Variants in PKIA observed in about 807,000 individuals in gnomAD.
The protein encoded by PKIA is cAMP-dependent protein kinase inhibitor alpha, also known as PKI-alpha.
A neutral mutation model predicts 7.6 loss-of-function variants in PKIA; 4 were observed. That is an observed-to-expected ratio of 0.52 (90% CI 0.26 to 1.20). PKIA has a LOEUF of 1.20. PKIA is among the 50% of genes most tolerant of loss of function. PKIA has a pLI of 0.13. For synonymous variants in PKIA, 21 were observed against 30.7 expected, an observed-to-expected ratio of 0.68 and a Z score of 1.04; for missense variants, 73 against 86.2, an observed-to-expected ratio of 0.85 and a Z score of 0.61.
chr8:78,561,393 C>T (rs1447439268), intron 1 of PKIA, among the ~76,000 whole-genome samples: 1 of 151,676 alleles, frequency 6.6e-6, no homozygotes, highest in Non-Finnish European at 1.5e-5. Flanking sequence ...GACAGAAATG[C>T]TCCTTCTTCC....
At chr8:78,596,093 T>C (rs1159622929) in intron 2 of PKIA, among the ~76,000 whole-genome samples, 3 of 152,164 alleles carry the variant, frequency 2.0e-5, no homozygotes, top group Non-Finnish European at 4.4e-5. Flanking sequence ...CTCGTAGTTT[T>C]GATTTGCATT....
intron 1 of PKIA, among the ~76,000 whole-genome samples, chr8:78,545,774 A>T (rs944291623): frequency 5.9e-5 from 9 of 152,126 alleles, no homozygotes; most frequent in Non-Finnish European, 1.0e-4. Flanking sequence ...CTATGATACT[A>T]TATATAACCT....
Position 78,582,173 on chromosome 8 carries a change from G to GTTT in PKIA, c.-28+9247_-28+9249dup, listed in dbSNP as rs112095411. On this transcript the variant is annotated intron_variant, in intron 2 of 3. Coordinates refer to ENST00000396418, the MANE Select transcript of PKIA (RefSeq NM_006823.4). ...CCATGTAATCCCAGCAATATTTCGT[G>GTTT]TTTTTTTTTTTTTTTGAGGCTTTGG... is the stretch of plus-strand genomic sequence containing the variant. Among the ~76,000 whole-genome samples the GTTT allele has an allele frequency of 8.7e-3, 1,128 of 129,688 alleles. 13 individuals are homozygous for GTTT. The highest frequency in any genetic ancestry group is 0.03 in the African/African-American group (1,066 of 35,456). 85.1% of individuals were successfully genotyped at this position (129,688 alleles called of 152,430 possible).
At chr8:78,540,658 G>C (rs1806660538) in intron 1 of PKIA, among the ~76,000 whole-genome samples, 2 of 151,960 alleles carry the variant, frequency 1.3e-5, no homozygotes, top group South Asian at 4.1e-4. Context: ...CAGAGGGGGT[G>C]GGGCAGGGAC....
chr8:78,577,930 A>G (rs1199698282), intron 2 of PKIA, among the ~76,000 whole-genome samples: 3 of 151,980 alleles, frequency 2.0e-5, no homozygotes, highest in Non-Finnish European at 4.4e-5. Flanking sequence ...GTGGAAATGT[A>G]TCTCTTACTT....
chr8:78,566,542 C>G (rs1807418110), intron 1 of PKIA, among the ~76,000 whole-genome samples: 1 of 152,008 alleles, frequency 6.6e-6, no homozygotes. Context: ...TCATTGGCAA[C>G]CACGAGTGCC....
chr8:78,592,270 A>G (rs1048664337), intron 2 of PKIA, among the ~76,000 whole-genome samples: 1 of 152,112 alleles, frequency 6.6e-6, no homozygotes, highest in East Asian at 1.9e-4. Context: ...TCCTTCATTC[A>G]CATATTTGTT....
chr8:78,549,403 T>C (rs1438733255), intron 1 of PKIA, among the ~76,000 whole-genome samples: 2 of 152,116 alleles, frequency 1.3e-5, no homozygotes, highest in African/African-American at 4.8e-5. Flanking sequence ...GAACGTTTTT[T>C]TAACTTAGAA....
At chr8:78,581,902 T>C (rs1042675662) in intron 2 of PKIA, among the ~76,000 whole-genome samples, 1 of 152,118 alleles carries the variant, frequency 6.6e-6, no homozygotes, top group Non-Finnish European at 1.5e-5. Context: ...AGGAAGCGTT[T>C]GGGGTTGACA....
chr8:78,554,239 A>G (rs1807069817), intron 1 of PKIA, among the ~76,000 whole-genome samples: 1 of 152,044 alleles, frequency 6.6e-6, no homozygotes, highest in Non-Finnish European at 1.5e-5. Context: ...TAATGCCACC[A>G]GTTGACGCCA....
chr8:78,549,883 G>T (rs1048771450), intron 1 of PKIA, among the ~76,000 whole-genome samples: 1 of 151,992 alleles, frequency 6.6e-6, no homozygotes, highest in African/African-American at 2.4e-5. Flanking sequence ...GAACTCTGAG[G>T]TTTCATTTAT....
rs963437196 is a variant in PKIA, at chr8:78,603,497, A to G, written c.*1676A>G. 1 of 151,836 alleles carries G rather than the reference A, an allele frequency of 6.6e-6. No homozygotes were observed. Among genetic ancestry groups the G allele is most frequent in the Non-Finnish European group, 1.5e-5 (1 of 67,952 alleles). 9.4% of individuals were successfully genotyped at this position (151,836 alleles called of 1,614,324 possible). Reference sequence around the variant, plus strand: ...ATTTAGTACTCAATCAGATATTACTAGAAAAAAAATTAATAATGTGAGCCT... The same window carrying G: ...ATTTAGTACTCAATCAGATATTACTGGAAAAAAAATTAATAATGTGAGCCT... On this transcript the variant is annotated 3_prime_UTR_variant, in exon 4 of 4. Transcript: ENST00000396418.
chr8:78,555,586 T>G (rs1452853361), intron 1 of PKIA, among the ~76,000 whole-genome samples: 1 of 151,986 alleles, frequency 6.6e-6, no homozygotes, highest in African/African-American at 2.4e-5. Context: ...ATAAATACAA[T>G]GTAGGTCTAT....
intron 3 of PKIA, among the ~76,000 whole-genome samples, chr8:78,598,864 C>T (rs555612669): frequency 1.7e-4 from 26 of 152,070 alleles, no homozygotes; most frequent in African/African-American, 6.0e-4. Context: ...AAAGTTGGAG[C>T]TCCTACCTTT....
chr8:78,519,336 G>A (rs548589862), intron 1 of PKIA, among the ~76,000 whole-genome samples: 4 of 152,258 alleles, frequency 2.6e-5, no homozygotes, highest in African/African-American at 7.2e-5. Flanking sequence ...AAGATTTGAG[G>A]CTGAGGCAGG....
chr8:78,599,245 A>G (rs985570699), intron 3 of PKIA, among the ~76,000 whole-genome samples: 13 of 152,226 alleles, frequency 8.5e-5, no homozygotes, highest in African/African-American at 3.1e-4. Context: ...GCTTTTGCAG[A>G]TATCAAAGCT....
At chr8:78,548,547 C>G (rs1806892693) in intron 1 of PKIA, among the ~76,000 whole-genome samples, 1 of 152,072 alleles carries the variant, frequency 6.6e-6, no homozygotes, top group Non-Finnish European at 1.5e-5. Context: ...ATACATACAT[C>G]CACCTCACGT....
chr8:78,518,010 C>T (rs1325679942), intron 1 of PKIA, among the ~76,000 whole-genome samples: 2 of 152,140 alleles, frequency 1.3e-5, no homozygotes, highest in Admixed American at 6.5e-5. Flanking sequence ...TAAAATTTTA[C>T]CTCTTTCTTT....
chr8:78,548,881 T>C lies in PKIA; in HGVS notation c.-156-23930T>C, dbSNP rs147229025. On this transcript the variant is annotated intron_variant, in intron 1 of 3. Coordinates refer to ENST00000396418, the MANE Select transcript of PKIA (RefSeq NM_006823.4). Reference sequence around the variant, plus strand: ...GATATAATTATAAAATATCATACTATCATACTCAATTCATTGAGATAATAA... The same window carrying C: ...GATATAATTATAAAATATCATACTACCATACTCAATTCATTGAGATAATAA... Among the ~76,000 whole-genome samples, 473 of 152,198 alleles carry C rather than the reference T, an allele frequency of 3.1e-3. 2 individuals carry two copies. Among genetic ancestry groups the C allele is most frequent in the African/African-American group, 0.011 (440 of 41,576 alleles).
Sources: gnomAD v4.1 joint callset for allele counts (sites outside exome capture counted in the v4.1 genomes callset) on GRCh38, gnomAD v4.1.1 for gene constraint, MANE v1.5 for transcripts, NCBI Gene and HGNC (gene_info 2026-07-23, HGNC 2026-07-21) for gene names.